TMEM132C: variants seen among roughly 807,000 people sequenced by gnomAD.
The protein encoded by TMEM132C is protein phosphatase 1, regulatory subunit 152.
Under a neutral mutation model 61.4 loss-of-function variants are expected in TMEM132C, and 29 were observed. The ratio of observed to expected loss-of-function variants is 0.47; its 90% CI spans 0.35 to 0.64. TMEM132C has a LOEUF of 0.64. TMEM132C is among the 30% of genes least tolerant of loss of function. The probability of loss-of-function intolerance (pLI) is 0.00; values close to 1 mark genes in which losing one functional copy is unlikely to be tolerated. For missense variants in TMEM132C, 1,408 were observed against 1,476.9 expected, an observed-to-expected ratio of 0.95 and a Z score of 0.76; for synonymous variants, 656 against 633.1, an observed-to-expected ratio of 1.04 and a Z score of -0.54.
intron 1 of TMEM132C, among the ~76,000 whole-genome samples, chr12:128,304,329 C>T (rs888641965): frequency 2.0e-5 from 3 of 151,944 alleles, no homozygotes; most frequent in Non-Finnish European, 2.9e-5. Context: ...TAGAAACAGC[C>T]TTTCAGGCTG....
At chr12:128,498,734 T>C (rs1872055911) in intron 2 of TMEM132C, among the ~76,000 whole-genome samples, 1 of 152,032 alleles carries the variant, frequency 6.6e-6, no homozygotes, top group South Asian at 2.1e-4. Flanking sequence ...GTAATGCTCA[T>C]CTGAAAATGA....
intron 5 of TMEM132C, among the ~76,000 whole-genome samples, chr12:128,682,884 G>A (rs1304032629): frequency 6.6e-6 from 1 of 152,176 alleles, no homozygotes; most frequent in Non-Finnish European, 1.5e-5. Context: ...GGCTGCTGGC[G>A]GACACCTTGC....
intron 1 of TMEM132C, among the ~76,000 whole-genome samples, chr12:128,402,565 C>A (rs530354746): frequency 3.3e-5 from 5 of 152,340 alleles, no homozygotes; most frequent in Non-Finnish European, 5.9e-5. Flanking sequence ...GACACACCGT[C>A]CCTTAGAGGA....
At chr12:128,431,302 G>A (rs759789500) in intron 2 of TMEM132C, among the ~76,000 whole-genome samples, 3 of 152,190 alleles carry the variant, frequency 2.0e-5, no homozygotes, top group African/African-American at 4.8e-5. Flanking sequence ...AAGGCTGAGG[G>A]AGGTGAGGAA....
intron 1 of TMEM132C, among the ~76,000 whole-genome samples, chr12:128,370,616 A>G (rs1207234563): frequency 6.6e-6 from 1 of 151,876 alleles, no homozygotes; most frequent in Non-Finnish European, 1.5e-5. Flanking sequence ...CACCAAGAAA[A>G]GGGGGAACTT....
chr12:128,554,580 A>C (rs1388516634), intron 3 of TMEM132C, among the ~76,000 whole-genome samples: 1 of 152,232 alleles, frequency 6.6e-6, no homozygotes, highest in Admixed American at 6.5e-5. Flanking sequence ...AGTCAAAATA[A>C]TGCCTGTTTT....
At chr12:128,665,911 GCACA>G (rs59866048) in intron 4 of TMEM132C, among the ~76,000 whole-genome samples, 1,924 of 104,954 alleles carry the variant, frequency 0.018, 59 homozygotes, top group African/African-American at 0.067. Context: ...ACATTCACAG[GCACA>G]CACACATTCA....
intron 2 of TMEM132C, among the ~76,000 whole-genome samples, chr12:128,532,563 C>A (rs1380556734): frequency 7.7e-6 from 1 of 129,598 alleles, no homozygotes; most frequent in Non-Finnish European, 1.5e-5. Flanking sequence ...GTCTTGAACC[C>A]TGGAGGCAGA....
At chr12:128,589,369 A>G (rs901906854) in intron 3 of TMEM132C, among the ~76,000 whole-genome samples, 5 of 151,610 alleles carry the variant, frequency 3.3e-5, no homozygotes, top group African/African-American at 1.2e-4. Flanking sequence ...ACCTCCCTCC[A>G]TGCTCACCTG....
chr12:128,470,252 A>G (rs1208652019), intron 2 of TMEM132C, among the ~76,000 whole-genome samples: 2 of 152,128 alleles, frequency 1.3e-5, no homozygotes, highest in Admixed American at 6.5e-5. Flanking sequence ...TCGACTTACC[A>G]TCCTGTCTTG....
intron 3 of TMEM132C, among the ~76,000 whole-genome samples, chr12:128,603,261 C>T (rs529547849): frequency 1.1e-4 from 17 of 152,268 alleles, no homozygotes; most frequent in African/African-American, 3.6e-4. Flanking sequence ...TAGATTCAGG[C>T]GGGTGAGGAG....
At chr12:128,696,190 C>T (rs1954762238) in intron 7 of TMEM132C, 87 bp downstream of exon 7, 5 of 1,464,562 alleles carry the variant, frequency 3.4e-6, no homozygotes, top group Non-Finnish European at 4.6e-6. Context: ...ATCACTGTGG[C>T]CGATTCCCCA....
At position 128,425,931 on chromosome 12, in the gene TMEM132C, T is replaced by G. The variant is rs945196315; in HGVS notation, c.974+10311T>G. ...CATCTGCAAAGGACCTGTTTCCAAA[T>G]CAGGTTGCGTTCTGAAGTTCCCCGT... On this transcript the variant is annotated intron_variant, in intron 2 of 8. Transcript: ENST00000435159. Among the ~76,000 whole-genome samples, 3 of 152,214 alleles carry G rather than the reference T, an allele frequency of 2.0e-5. No homozygotes were observed. In the South Asian group the frequency reaches 6.2e-4, roughly 31 times the overall value.
At chr12:128,487,473 CGT>C (rs10608040) in intron 2 of TMEM132C, among the ~76,000 whole-genome samples, 147,717 of 150,036 alleles carry the variant, frequency 0.98, 72,735 homozygotes, top group Middle Eastern at 1. Context: ...AAATTGTGTG[CGT>C]GTGTGTGTGT....
At chr12:128,298,356 G>A (rs1871478825) in intron 1 of TMEM132C, among the ~76,000 whole-genome samples, 1 of 152,046 alleles carries the variant, frequency 6.6e-6, no homozygotes, top group Admixed American at 6.6e-5. Context: ...CTGGTACAGC[G>A]CAAAATGTTC....
At chr12:128,271,204 A>C (rs1870502040) in intron 1 of TMEM132C, among the ~76,000 whole-genome samples, 1 of 151,646 alleles carries the variant, frequency 6.6e-6, no homozygotes, top group Admixed American at 6.6e-5. Flanking sequence ...CAGTGAGCCA[A>C]GATCATGCCA....
chr12:128,600,441 C>A (rs1388798761), intron 3 of TMEM132C, among the ~76,000 whole-genome samples: 1 of 152,168 alleles, frequency 6.6e-6, no homozygotes, highest in African/African-American at 2.4e-5. Flanking sequence ...AAGCCTCTTT[C>A]CTTTATAAAT....
intron 1 of TMEM132C, among the ~76,000 whole-genome samples, chr12:128,376,679 T>C (rs1437737950): frequency 6.6e-6 from 1 of 152,248 alleles, no homozygotes; most frequent in African/African-American, 2.4e-5. Context: ...CATGAATGAA[T>C]GTTATTTTAC....
chr12:128,374,362 G>T (rs1874120640), intron 1 of TMEM132C, among the ~76,000 whole-genome samples: 1 of 152,188 alleles, frequency 6.6e-6, no homozygotes, highest in Non-Finnish European at 1.5e-5. Flanking sequence ...GCGCTTTGTT[G>T]TCTGGGCGGA....
Sources: allele counts gnomAD v4.1 joint callset (sites outside exome capture counted in the v4.1 genomes callset), GRCh38; gene constraint gnomAD v4.1.1; transcripts MANE v1.5; gene names NCBI Gene and HGNC (gene_info 2026-07-23, HGNC 2026-07-21).